ROCK1: variants seen among roughly 807,000 people sequenced by gnomAD.
ROCK1 encodes Rho associated coiled-coil containing protein kinase 1.
ROCK1 carries 36 observed loss-of-function variants against 196.8 expected under a neutral mutation model. That is an observed-to-expected ratio of 0.18 (90% CI 0.14 to 0.24). The LOEUF (loss-of-function observed/expected upper bound fraction) is 0.24, where lower values mean the gene tolerates loss of function less well. Ranked by LOEUF, ROCK1 falls within the 10% of genes least tolerant of loss-of-function variation. ROCK1 has a pLI of 1.00. For synonymous variants in ROCK1, 443 were observed against 515.9 expected, an observed-to-expected ratio of 0.86 and a Z score of 1.91; for missense variants, 920 against 1,562.0, an observed-to-expected ratio of 0.59 and a Z score of 6.93.
chr18:21,005,364 G>A (rs755777361), intron 16 of ROCK1, among the ~76,000 whole-genome samples: 3 of 152,132 alleles, frequency 2.0e-5, no homozygotes, highest in South Asian at 2.1e-4. Flanking sequence ...TACTACCAAC[G>A]ATGCATGAGG....
At chr18:20,995,545 C>T (rs531685150) in intron 16 of ROCK1, among the ~76,000 whole-genome samples, 1 of 152,180 alleles carries the variant, frequency 6.6e-6, no homozygotes, top group South Asian at 2.1e-4. Context: ...TGCTCTGGGC[C>T]AGAGAGGAGC....
chr18:21,076,375 G>T (rs929560307), intron 1 of ROCK1, among the ~76,000 whole-genome samples: 6 of 152,036 alleles, frequency 3.9e-5, no homozygotes, highest in Admixed American at 3.3e-4. Context: ...ATGGTGGCAG[G>T]CACCTGTAAT....
At chr18:21,110,313 C>T (rs1001856040) in intron 1 of ROCK1, among the ~76,000 whole-genome samples, 26 of 152,246 alleles carry the variant, frequency 1.7e-4, no homozygotes, top group African/African-American at 5.5e-4. Flanking sequence ...ACTCAAATCA[C>T]CTATGAAATT....
At chr18:21,043,595 C>A (rs1411136677) in intron 6 of ROCK1, among the ~76,000 whole-genome samples, 1 of 146,390 alleles carries the variant, frequency 6.8e-6, no homozygotes, top group African/African-American at 2.5e-5. Context: ...TATACATATA[C>A]ATAATATGTA....
chr18:21,020,953 A>C (rs1409041639), intron 11 of ROCK1, among the ~76,000 whole-genome samples: 1 of 152,232 alleles, frequency 6.6e-6, no homozygotes, highest in Non-Finnish European at 1.5e-5. Context: ...CCTCAGAAAC[A>C]TCACTACAAT....
chr18:21,015,910 G>A (rs2035858699), intron 12 of ROCK1, among the ~76,000 whole-genome samples: 1 of 151,748 alleles, frequency 6.6e-6, no homozygotes, highest in South Asian at 2.1e-4. Flanking sequence ...AACCTGGGAG[G>A]TGGAGGTTGC....
At chr18:21,047,590 G>A (rs2036171345) in intron 4 of ROCK1, among the ~76,000 whole-genome samples, 1 of 152,054 alleles carries the variant, frequency 6.6e-6, no homozygotes, top group African/African-American at 2.4e-5. Context: ...TCAGGAGATC[G>A]AGACCATGCT....
intron 18 of ROCK1, 147 bp from the exon 19 acceptor site, chr18:20,987,257 C>CTAGCTAGTA (rs2035586229): frequency 1.5e-6 from 1 of 663,230 alleles, no homozygotes; most frequent in Non-Finnish European, 2.5e-6. Context: ...GAAATTCTCA[C>CTAGCTAGTA]ATTATGTAAA....
At chr18:21,006,230 T>C in intron 16 of ROCK1, 121 bp downstream of exon 16, 1 of 736,730 alleles carries the variant, frequency 1.4e-6, no homozygotes, top group South Asian at 1.9e-5. Flanking sequence ...ACTTATATGA[T>C]GATGGTTGCA....
At chr18:21,101,990 C>T (rs2036663082) in intron 1 of ROCK1, among the ~76,000 whole-genome samples, 1 of 151,792 alleles carries the variant, frequency 6.6e-6, no homozygotes, top group South Asian at 2.1e-4. Context: ...AATGTGATGA[C>T]ATTTTGAAAA....
chr18:20,976,402 A>G (rs2035481224), intron 22 of ROCK1, among the ~76,000 whole-genome samples: 1 of 152,126 alleles, frequency 6.6e-6, no homozygotes, highest in Non-Finnish European at 1.5e-5. Flanking sequence ...ATACACCTAA[A>G]AGAGTTTTGG....
intron 2 of ROCK1, among the ~76,000 whole-genome samples, chr18:21,052,404 T>C (rs1221833635): frequency 1.3e-5 from 2 of 152,206 alleles, no homozygotes; most frequent in African/African-American, 4.8e-5. Flanking sequence ...AAACGAAGCC[T>C]ATTTATTGTA....
intron 2 of ROCK1, among the ~76,000 whole-genome samples, chr18:21,066,550 T>C (rs1304056846): frequency 2.0e-5 from 3 of 152,210 alleles, no homozygotes; most frequent in Non-Finnish European, 2.9e-5. Context: ...ACTCATGTAA[T>C]CATCACCACA....
intron 11 of ROCK1, among the ~76,000 whole-genome samples, chr18:21,022,334 A>G (rs1196100109): frequency 2.0e-5 from 3 of 152,196 alleles, no homozygotes; most frequent in Admixed American, 2.0e-4. Context: ...TATAAACAAC[A>G]GAAAGAACTC....
chr18:20,982,877 A>G (rs1483033055), intron 20 of ROCK1, 45 bp from the exon 21 acceptor site: 3 of 805,610 alleles, frequency 3.7e-6, no homozygotes, highest in African/African-American at 1.8e-5. Flanking sequence ...TCCTACTTAT[A>G]CTAGACTTCA....
intron 5 of ROCK1, among the ~76,000 whole-genome samples, chr18:21,044,486 T>C (rs1286874812): frequency 6.6e-6 from 1 of 152,122 alleles, no homozygotes; most frequent in Non-Finnish European, 1.5e-5. Flanking sequence ...TAAAAGGTGA[T>C]TGAAACATAT....
At chr18:21,062,848 G>C (rs2036303307) in intron 2 of ROCK1, among the ~76,000 whole-genome samples, 1 of 152,132 alleles carries the variant, frequency 6.6e-6, no homozygotes, top group African/African-American at 2.4e-5. Context: ...TAACAAGTCA[G>C]TATCCAACGT....
At chr18:21,077,896 C>T (rs1477934782) in intron 1 of ROCK1, among the ~76,000 whole-genome samples, 2 of 152,146 alleles carry the variant, frequency 1.3e-5, no homozygotes, top group Non-Finnish European at 2.9e-5. Context: ...AAATCTCTGT[C>T]CAAACATTAG....
At chr18:20,982,082 C>G (rs924120553) in intron 21 of ROCK1, among the ~76,000 whole-genome samples, 1 of 152,172 alleles carries the variant, frequency 6.6e-6, no homozygotes, top group Non-Finnish European at 1.5e-5. Context: ...AGAATCACCA[C>G]AAGTCATTTG....
Sources: allele counts gnomAD v4.1 joint callset (sites outside exome capture counted in the v4.1 genomes callset), GRCh38; gene constraint gnomAD v4.1.1; transcripts MANE v1.5; gene names NCBI Gene and HGNC (gene_info 2026-07-23, HGNC 2026-07-21).